KCNJ12: variants seen among roughly 807,000 people sequenced by gnomAD.
KCNJ12 encodes the protein potassium inwardly rectifying channel subfamily J member 12, also known as ATP-sensitive inward rectifier potassium channel 12.
Under a neutral mutation model 22.3 loss-of-function variants are expected in KCNJ12, and 2 were observed. The ratio of observed to expected loss-of-function variants is 0.09; its 90% CI spans 0.04 to 0.28. The LOEUF (loss-of-function observed/expected upper bound fraction) is 0.28. Among genes scored for constraint, KCNJ12 ranks in the 10% least tolerant of loss-of-function variants. The pLI is 1.00. For missense variants in KCNJ12, 155 were observed against 633.3 expected (o/e 0.24, Z 8.11); for synonymous variants, 117 against 261.4 (o/e 0.45, Z 5.33).
chr17:21,411,809 A>G (rs572796223), intron 2 of KCNJ12, among the ~76,000 whole-genome samples: 2 of 152,428 alleles, frequency 1.3e-5, no homozygotes, highest in East Asian at 1.9e-4. Context: ...ATATTGTCCT[A>G]TATTTCTTAT....
intron 1 of KCNJ12, among the ~76,000 whole-genome samples, chr17:21,391,782 TC>T (rs552532314): frequency 3.3e-5 from 5 of 152,226 alleles, no homozygotes; most frequent in Non-Finnish European, 7.3e-5. Flanking sequence ...AGAACTGGGC[TC>T]CCATCTACCT....
In KCNJ12 at chr17:21,412,497, C is replaced by T. The variant is rs1325045162; in HGVS notation, c.-56-2790C>T. ...TGACCCGCTGGAAGTCCCTCAAGGC[C>T]CCTGGGCCACACAAATCCAGCCCCT... is the stretch of plus-strand genomic sequence containing the variant. On this transcript the variant is annotated intron_variant, in intron 2 of 2. Coordinates refer to ENST00000583088, the MANE Select transcript of KCNJ12 (RefSeq NM_021012.5). Among the ~76,000 whole-genome samples the T allele has an allele frequency of 5.9e-5, 9 of 152,402 alleles. No individual in the cohort carries two copies. In the South Asian group the frequency reaches 1.7e-3, roughly 28 times the overall value.
chr17:21,386,503 T>C (rs1555558656), intron 1 of KCNJ12, among the ~76,000 whole-genome samples: 1 of 151,982 alleles, frequency 6.6e-6, no homozygotes, highest in Admixed American at 6.6e-5. Flanking sequence ...ATTGTATTTA[T>C]TTTTTTTAAC....
chr17:21,415,227 T>C, intron 2 of KCNJ12, 60 bp from the exon 3 acceptor site: 1 of 1,491,092 alleles, frequency 6.7e-7, no homozygotes, highest in Non-Finnish European at 9.0e-7. Context: ...GGCCCTGGGA[T>C]GGGGGTAGAG....
chr17:21,387,022 G>A (rs187161411), intron 1 of KCNJ12, among the ~76,000 whole-genome samples: 2 of 152,196 alleles, frequency 1.3e-5, no homozygotes, highest in Admixed American at 6.5e-5. Context: ...TTTAAGAAAC[G>A]TGCTCTCCCT....
At chr17:21,402,381 A>C (rs1297187150) in intron 1 of KCNJ12, among the ~76,000 whole-genome samples, 7 of 152,296 alleles carry the variant, frequency 4.6e-5, no homozygotes, top group African/African-American at 1.7e-4. Flanking sequence ...CCCCAGCAGC[A>C]TGTGGGCCCC....
At chr17:21,400,114 G>A (rs1306519863) in intron 1 of KCNJ12, among the ~76,000 whole-genome samples, 1 of 152,208 alleles carries the variant, frequency 6.6e-6, no homozygotes, top group Non-Finnish European at 1.5e-5. Flanking sequence ...TAGTACTAGA[G>A]GGAGTGCAGG....
In KCNJ12 at chr17:21,379,647, G is replaced by A. The variant is rs547263642; in HGVS notation, c.-179+2734G>A. On this transcript the variant is annotated intron_variant, in intron 1 of 2. Transcript: ENST00000583088. ...CACATGGAAGGTGCGGTGGGTGGGG[G>A]CTCAGCCCCACGGGATGGCTGTGCC... is the stretch of plus-strand genomic sequence containing the variant. 4.8e-3 allele frequency among the ~76,000 whole-genome samples: 735 copies of A among 152,332 alleles called. 8 individuals are homozygous for A. The highest frequency in any genetic ancestry group is 5.4e-3 in the Non-Finnish European group (367 of 68,028).
At chr17:21,384,126 A>G (rs1904990094) in intron 1 of KCNJ12, among the ~76,000 whole-genome samples, 1 of 151,994 alleles carries the variant, frequency 6.6e-6, no homozygotes, top group African/African-American at 2.4e-5. Context: ...GCTAATATCT[A>G]AGTTGCCTTT....
At chr17:21,393,984 C>A (rs1207678861) in intron 1 of KCNJ12, among the ~76,000 whole-genome samples, 4 of 152,238 alleles carry the variant, frequency 2.6e-5, no homozygotes, top group Admixed American at 2.6e-4. Context: ...CCATAGGACC[C>A]AGGCAAAGGA....
intron 1 of KCNJ12, among the ~76,000 whole-genome samples, chr17:21,398,137 A>G (rs1333154852): frequency 6.6e-6 from 1 of 151,708 alleles, no homozygotes; most frequent in Non-Finnish European, 1.5e-5. Context: ...CTGTGTACAT[A>G]TGTGTACAAG....
intron 1 of KCNJ12, among the ~76,000 whole-genome samples, chr17:21,404,762 C>T (rs1268770743): frequency 6.6e-6 from 1 of 152,274 alleles, no homozygotes; most frequent in Non-Finnish European, 1.5e-5. Context: ...CTCTCTCCCT[C>T]CTGCCCCCAC....
intron 1 of KCNJ12, among the ~76,000 whole-genome samples, chr17:21,377,218 C>T (rs1396297713): frequency 6.6e-6 from 1 of 151,966 alleles, no homozygotes; most frequent in African/African-American, 2.4e-5. Flanking sequence ...GAGCCCTCGG[C>T]CCCCCTCTGA....
chr17:21,418,889 T>TC lies in KCNJ12; in HGVS notation c.*2250dup, dbSNP rs1555563342. On this transcript the variant is annotated 3_prime_UTR_variant, in exon 3 of 3. Coordinates refer to ENST00000583088, the MANE Select transcript of KCNJ12 (RefSeq NM_021012.5). ...CAGGGCCAGTGAGACAGCCTTCTAC[T>TC]CCCCCGACCCAGAGCTGAGTCCGAG... 1 of 166,402 alleles carries TC rather than the reference T, an allele frequency of 6.0e-6. No individual in the cohort carries two copies. Among genetic ancestry groups the TC allele is most frequent in the Non-Finnish European group, 1.5e-5 (1 of 68,158 alleles). The allele number at this position is 166,402 out of a possible 1,614,324, so 10.3% of individuals were successfully genotyped here.
rs1352012130 is a variant in KCNJ12 at position 21,419,561 on chromosome 17, A to C, written c.*2917A>C. Reference sequence around the variant, plus strand: ...TGTGTAGGAGGCTGTGTGTGTGCCCATGTGAAACCGTGTACTTGAGTGTGT... The same window carrying C: ...TGTGTAGGAGGCTGTGTGTGTGCCCCTGTGAAACCGTGTACTTGAGTGTGT... On this transcript the variant is annotated 3_prime_UTR_variant, in exon 3 of 3. Transcript: ENST00000583088. 6.0e-6 allele frequency: 1 copy of C among 167,190 alleles called. No homozygotes were observed. Among genetic ancestry groups the C allele is most frequent in the Non-Finnish European group, 1.5e-5 (1 of 68,226 alleles). The allele number at this position is 167,190 out of a possible 1,614,324, so 10.4% of individuals were successfully genotyped here.
chr17:21,415,046 G>A (rs1906616032), intron 2 of KCNJ12, among the ~76,000 whole-genome samples: 1 of 152,308 alleles, frequency 6.6e-6, no homozygotes, highest in African/African-American at 2.4e-5. Context: ...ACTCTTCAGA[G>A]CCCTCAGTGT....
intron 1 of KCNJ12, among the ~76,000 whole-genome samples, chr17:21,384,775 T>G (rs1269333702): frequency 3.2e-4 from 48 of 150,636 alleles, no homozygotes; most frequent in South Asian, 6.3e-4. Context: ...TGTTTGTTTT[T>G]TTTTTTTTTT....
intron 1 of KCNJ12, among the ~76,000 whole-genome samples, chr17:21,402,981 T>C (rs1905714442): frequency 6.6e-6 from 1 of 152,296 alleles, no homozygotes; most frequent in Non-Finnish European, 1.5e-5. Context: ...TCAAAGAAGC[T>C]TGGGCCACCC....
intron 1 of KCNJ12, among the ~76,000 whole-genome samples, chr17:21,378,404 C>A (rs537868532): frequency 6.6e-6 from 1 of 152,220 alleles, no homozygotes; most frequent in African/African-American, 2.4e-5. Flanking sequence ...GACTTCACAG[C>A]GAAGTCTGCC....
Sources: allele counts gnomAD v4.1 joint callset (sites outside exome capture counted in the v4.1 genomes callset), GRCh38; gene constraint gnomAD v4.1.1; transcripts MANE v1.5; gene names NCBI Gene and HGNC (gene_info 2026-07-23, HGNC 2026-07-21).